Variants in MARCHF5 observed in about 807,000 individuals in gnomAD.
MARCHF5 encodes the protein membrane associated ring-CH-type finger 5.
A neutral mutation model predicts 36.5 loss-of-function variants in MARCHF5; 5 were observed. The ratio of observed to expected loss-of-function variants is 0.14; its 90% confidence interval spans 0.07 to 0.29. MARCHF5 has a LOEUF of 0.29. Among genes scored for constraint, MARCHF5 ranks in the 10% least tolerant of loss-of-function variants. MARCHF5 has a pLI of 1.00. For synonymous variants in MARCHF5, 103 were observed against 109.9 expected (o/e 0.94, Z 0.39); for missense variants, 179 against 336.3 (o/e 0.53, Z 3.66).
At chr10:92,309,888 A>C (rs1460036479) in intron 1 of MARCHF5, among the ~76,000 whole-genome samples, 1 of 152,208 alleles carries the variant, frequency 6.6e-6, no homozygotes, top group Non-Finnish European at 1.5e-5. Flanking sequence ...GAAGGCCCAG[A>C]CAGCTTAGCT....
At chr10:92,314,159 C>T (rs953299793) in intron 2 of MARCHF5, among the ~76,000 whole-genome samples, 2 of 152,104 alleles carry the variant, frequency 1.3e-5, no homozygotes, top group African/African-American at 4.8e-5. Context: ...CTGCATTGAG[C>T]TATGATTGCG....
At chr10:92,302,159 C>G (rs1843023241) in intron 1 of MARCHF5, among the ~76,000 whole-genome samples, 2 of 152,124 alleles carry the variant, frequency 1.3e-5, no homozygotes, top group South Asian at 4.1e-4. Flanking sequence ...ATGTTCAGTA[C>G]AGACTCTTTT....
chr10:92,314,748 G>A lies in MARCHF5; in HGVS notation c.238+3411G>A, dbSNP rs10558699. Among the ~76,000 whole-genome samples, 31 of 10,678 alleles carry A rather than the reference G, an allele frequency of 2.9e-3. 1 individual carries two copies. Among genetic ancestry groups the A allele is most frequent in the South Asian group, 0.018 (3 of 168 alleles). 7.0% of individuals were successfully genotyped at this position (10,678 alleles called of 152,430 possible). ...GTATTTGCTGCTGCTGCTTCCCCCC[G>A]CCCCCCCCCGCCAATAGAGGTTGGG... On this transcript the variant is annotated intron_variant, in intron 2 of 5. Coordinates refer to ENST00000358935, the MANE Select transcript of MARCHF5 (RefSeq NM_017824.5).
intron 3 of MARCHF5, among the ~76,000 whole-genome samples, chr10:92,341,133 G>T (rs1843573458): frequency 6.6e-6 from 1 of 152,118 alleles, no homozygotes; most frequent in East Asian, 1.9e-4. Flanking sequence ...TAAAAACAGT[G>T]CTGCATAGCT....
chr10:92,325,224 C>G (rs1051391051), intron 2 of MARCHF5, among the ~76,000 whole-genome samples: 4 of 152,168 alleles, frequency 2.6e-5, no homozygotes, highest in African/African-American at 9.7e-5. Context: ...TGCCTGTGGT[C>G]TCTGCTAGCT....
At chr10:92,313,886 C>G (rs1335287453) in intron 2 of MARCHF5, among the ~76,000 whole-genome samples, 1 of 151,442 alleles carries the variant, frequency 6.6e-6, no homozygotes, top group African/African-American at 2.4e-5. Context: ...GAGTGAGACC[C>G]TGTCTGAACA....
At position 92,349,785 on chromosome 10, in the gene MARCHF5, T is replaced by C. The variant is rs770756861; in HGVS notation, c.668T>C (p.Val223Ala). 2.5e-6 allele frequency: 4 copies of C among 1,613,940 alleles called. No homozygotes were observed. The African/African-American group carries it at 4.0e-5, about 16-fold the overall frequency. Residue 223 changes from valine (V) to alanine (A), a missense_variant, in exon 5 of 6, where the codon GTT becomes GCT. Val to Ala is a moderately conservative substitution (Grantham distance 64, BLOSUM62 0). Around this residue, in one of 3 missense-constraint regions of MARCHF5, gnomAD observed 95 missense variants for 139.5 expected, o/e 0.68. Coordinates refer to ENST00000358935, the MANE Select transcript of MARCHF5 (RefSeq NM_017824.5). ...ALVFPTIATI[V>A]GKLMFSSVNS... is the part of the protein sequence containing the mutation. ...GTCTTTCCTACTATTGCTACAATAG[T>C]TGGTAAATTGATGTTCAGTAGTGTT...
At chr10:92,299,701 A>T (rs1032260143) in intron 1 of MARCHF5, among the ~76,000 whole-genome samples, 1 of 152,216 alleles carries the variant, frequency 6.6e-6, no homozygotes, top group Non-Finnish European at 1.5e-5. Flanking sequence ...AAGTTCACTG[A>T]GAACAGAAAC....
At chr10:92,313,262 T>C (rs1161990947) in intron 2 of MARCHF5, among the ~76,000 whole-genome samples, 1 of 151,584 alleles carries the variant, frequency 6.6e-6, no homozygotes, top group Non-Finnish European at 1.5e-5. Context: ...GTAAAACTCT[T>C]TGGTTAAGCC....
intron 3 of MARCHF5, among the ~76,000 whole-genome samples, chr10:92,346,883 A>T (rs1453721668): frequency 6.6e-6 from 1 of 152,114 alleles, no homozygotes; most frequent in East Asian, 1.9e-4. Context: ...TCTATACCTG[A>T]ATATTCACTC....
intron 2 of MARCHF5, among the ~76,000 whole-genome samples, chr10:92,331,808 TAG>T (rs899594553): frequency 2.0e-5 from 3 of 149,796 alleles, no homozygotes; most frequent in African/African-American, 7.3e-5. Context: ...TATGAATTTA[TAG>T]ATATAGCATA....
chr10:92,335,634 T>C (rs985871460), intron 2 of MARCHF5, among the ~76,000 whole-genome samples: 2 of 152,200 alleles, frequency 1.3e-5, no homozygotes, highest in African/African-American at 4.8e-5. Context: ...TGGTACATCT[T>C]TTGCCTATAA....
chr10:92,343,249 T>C (rs747150237), intron 3 of MARCHF5, among the ~76,000 whole-genome samples: 3 of 152,186 alleles, frequency 2.0e-5, no homozygotes, highest in Non-Finnish European at 4.4e-5. Flanking sequence ...TTCTGTGTAC[T>C]TATCCAAATC....
At position 92,319,297 on chromosome 10, in the gene MARCHF5, C is replaced by CTT. The variant is rs35540447; in HGVS notation, c.238+7974_238+7975dup. Among the ~76,000 whole-genome samples the CTT allele has an allele frequency of 8.8e-4, 125 of 142,372 alleles. 2 individuals are homozygous for CTT. Among genetic ancestry groups the CTT allele is most frequent in the Middle Eastern group, 7.5e-3 (2 of 268 alleles). The allele number at this position is 142,372 out of a possible 152,430, so 93.4% of individuals were successfully genotyped here. Reference sequence around the variant, plus strand: ...GTTACTGGTTTATGTATCTACTTTACTTTTTTTTTTTTTTTGAGACGGAGT... The same window carrying CTT: ...GTTACTGGTTTATGTATCTACTTTACTTTTTTTTTTTTTTTTTGAGACGGAGT... On this transcript the variant is annotated intron_variant, in intron 2 of 5. Coordinates refer to ENST00000358935, the MANE Select transcript of MARCHF5 (RefSeq NM_017824.5).
intron 3 of MARCHF5, among the ~76,000 whole-genome samples, chr10:92,343,965 A>G (rs1371019936): frequency 3.3e-5 from 5 of 152,260 alleles, no homozygotes; most frequent in Non-Finnish European, 5.9e-5. Context: ...TGAGAAAGAC[A>G]TAGAAACTTA....
At position 92,340,703 on chromosome 10, in the gene MARCHF5, A is replaced by G. The variant is rs201912277; in HGVS notation, c.269A>G (p.Asp90Gly). The G allele has an allele frequency of 4.9e-5, 79 of 1,613,602 alleles. No individual in the cohort carries two copies. The highest frequency in any genetic ancestry group is 5.1e-6 in the Non-Finnish European group (6 of 1,179,862). Residue 90 changes from aspartate (D) to glycine (G), a missense_variant, in exon 3 of 6, where the codon GAT (aspartate) becomes GGT (glycine). Asp to Gly is a moderately conservative substitution (Grantham distance 94, BLOSUM62 -1). This residue lies in a region of MARCHF5 where 66 missense variants were observed against 180.5 expected (regional missense o/e 0.37). Transcript: ENST00000358935. ...GPVVYVLDLA[D>G]RLISKACPFA... is the part of the protein sequence containing the mutation. The stretch of plus-strand genomic sequence containing the variant: ...GTGGTTTACGTCTTGGATCTTGCAG[A>G]TAGACTGATCTCAAAAGCCTGTCCA...
chr10:92,306,246 AAGAG>A (rs974079056), intron 1 of MARCHF5, among the ~76,000 whole-genome samples: 1 of 152,166 alleles, frequency 6.6e-6, no homozygotes, highest in Admixed American at 6.5e-5. Flanking sequence ...AGCCCAGAAG[AAGAG>A]AGAAAGTCTG....
At chr10:92,314,335 T>C (rs1250763082) in intron 2 of MARCHF5, among the ~76,000 whole-genome samples, 1 of 152,072 alleles carries the variant, frequency 6.6e-6, no homozygotes, top group African/African-American at 2.4e-5. Context: ...TTTAATGACA[T>C]CAGTGTTATA....
intron 2 of MARCHF5, among the ~76,000 whole-genome samples, chr10:92,331,434 C>T (rs182058250): frequency 6.6e-6 from 1 of 152,014 alleles, no homozygotes; most frequent in Admixed American, 6.6e-5. Flanking sequence ...CTCCTCCCCC[C>T]CCATAATCTT....
Sources: allele counts gnomAD v4.1 joint callset (sites outside exome capture counted in the v4.1 genomes callset), GRCh38; gene constraint gnomAD v4.1.1; regional missense constraint gnomAD v4.1.1; transcripts MANE v1.5; gene names NCBI Gene and HGNC (gene_info 2026-07-23, HGNC 2026-07-21).